The following MAML2 variants were observed in gnomAD, a reference collection of about 807,000 sequenced individuals.
MAML2 encodes the protein mastermind like transcriptional coactivator 2.
MAML2 carries 22 observed loss-of-function variants against 96.1 expected under a neutral mutation model. The observed-to-expected ratio is 0.23, with a 90% confidence interval of 0.16 to 0.33. MAML2 has a LOEUF of 0.33. Among genes scored for constraint, MAML2 ranks in the 10% least tolerant of loss-of-function variants. MAML2 has a pLI of 1.00. For synonymous variants in MAML2, 561 were observed against 521.3 expected, an observed-to-expected ratio of 1.08 and a Z score of -1.04; for missense variants, 1,367 against 1,392.4, an observed-to-expected ratio of 0.98 and a Z score of 0.29.
chr11:95,984,330 C>A (rs1361036979), intron 4 of MAML2, among the ~76,000 whole-genome samples: 2 of 152,176 alleles, frequency 1.3e-5, no homozygotes, highest in Non-Finnish European at 2.9e-5. Flanking sequence ...CCAACATTAA[C>A]CAACACATGG....
At chr11:96,095,389 T>G (rs10831479) in intron 1 of MAML2, among the ~76,000 whole-genome samples, 118,990 of 152,182 alleles carry the variant, frequency 0.78, 46,997 homozygotes, top group Middle Eastern at 0.88. Context: ...ATAGTTATGG[T>G]GAATGTGTCA....
chr11:96,277,615 G>C (rs1225425324), intron 1 of MAML2, among the ~76,000 whole-genome samples: 1 of 151,860 alleles, frequency 6.6e-6, no homozygotes, highest in East Asian at 1.9e-4. Flanking sequence ...AGCAGGGCGT[G>C]GTAGCAAGCG....
At chr11:96,117,912 T>TTA (rs1253559580) in intron 1 of MAML2, among the ~76,000 whole-genome samples, 1 of 152,162 alleles carries the variant, frequency 6.6e-6, no homozygotes, top group Non-Finnish European at 1.5e-5. Flanking sequence ...GTTCTCTTCT[T>TTA]TATATATATA....
chr11:95,985,955 C>A (rs1034939153), intron 3 of MAML2, among the ~76,000 whole-genome samples: 1 of 152,106 alleles, frequency 6.6e-6, no homozygotes, highest in Non-Finnish European at 1.5e-5. Flanking sequence ...TTTCAAGATG[C>A]TAATTTCTAA....
intron 1 of MAML2, among the ~76,000 whole-genome samples, chr11:96,241,366 T>G (rs575090091): frequency 6.6e-6 from 1 of 152,174 alleles, no homozygotes; most frequent in Non-Finnish European, 1.5e-5. Flanking sequence ...TTTGAAACAA[T>G]GTGGGAGGCT....
chr11:96,230,531 A>G (rs1045990518), intron 1 of MAML2, among the ~76,000 whole-genome samples: 2 of 152,228 alleles, frequency 1.3e-5, no homozygotes, highest in African/African-American at 2.4e-5. Flanking sequence ...GCAGAGTTGA[A>G]GACTAGACAT....
Position 96,027,575 on chromosome 11 carries a change from A to C in MAML2, c.2140-35852T>G, listed in dbSNP as rs185215709. Among the ~76,000 whole-genome samples, 7 of 152,314 alleles carry C rather than the reference A, an allele frequency of 4.6e-5. No individual in the cohort carries two copies. The East Asian group carries it at 1.3e-3, about 29-fold the overall frequency. On this transcript the variant is annotated intron_variant, in intron 2 of 4. Transcript: ENST00000524717. The stretch of plus-strand genomic sequence containing the variant: ...AGGACTAGGTGCAGTGGGACCACAG[A>C]GGAAAGACATCTAACTCAGATCTGG...
At chr11:96,184,328 T>G (rs1861538253) in intron 1 of MAML2, among the ~76,000 whole-genome samples, 1 of 151,950 alleles carries the variant, frequency 6.6e-6, no homozygotes, top group South Asian at 2.1e-4. Context: ...TAATCCCAGC[T>G]ACTCAGGAGG....
At chr11:96,035,294 A>G (rs1325556700) in intron 2 of MAML2, among the ~76,000 whole-genome samples, 4 of 152,190 alleles carry the variant, frequency 2.6e-5, no homozygotes, top group Admixed American at 1.3e-4. Context: ...AGCCAACCAT[A>G]AGTAATTCTG....
At chr11:96,310,023 G>A (rs1040744164) in intron 1 of MAML2, among the ~76,000 whole-genome samples, 13 of 152,164 alleles carry the variant, frequency 8.5e-5, no homozygotes, top group African/African-American at 2.9e-4. Context: ...TTAAGACTCT[G>A]AAGTTTCCAA....
At chr11:96,308,312 A>T (rs1038495252) in intron 1 of MAML2, among the ~76,000 whole-genome samples, 2 of 152,340 alleles carry the variant, frequency 1.3e-5, no homozygotes, top group Non-Finnish European at 2.9e-5. Context: ...TTACTAAACA[A>T]TAGTAGAATT....
rs548030774 is a variant in MAML2 at position 96,195,084 on chromosome 11, C to G, written c.514-101567G>C. On this transcript the variant is annotated intron_variant, in intron 1 of 4. Coordinates refer to ENST00000524717, the MANE Select transcript of MAML2 (RefSeq NM_032427.4). ...GTATAGACATCTAAGTTATATAAAC[C>G]AAGTCTTTCTACTTCACATTTTACC... Among the ~76,000 whole-genome samples, 4 of 152,198 alleles carry G rather than the reference C, an allele frequency of 2.6e-5. No individual in the cohort carries two copies. The South Asian group carries it at 8.3e-4, about 32-fold the overall frequency.
chr11:96,044,893 C>G (rs1858871433), intron 2 of MAML2, among the ~76,000 whole-genome samples: 1 of 152,178 alleles, frequency 6.6e-6, no homozygotes, highest in African/African-American at 2.4e-5. Flanking sequence ...ATAAAAGTAT[C>G]AGGATGACTT....
intron 1 of MAML2, among the ~76,000 whole-genome samples, chr11:96,202,639 T>G (rs547135562): frequency 1.2e-4 from 19 of 152,204 alleles, no homozygotes; most frequent in Admixed American, 6.5e-5. Flanking sequence ...ATTTTTTTTT[T>G]TTTTTGAAAC....
At chr11:96,167,004 C>T (rs570240511) in intron 1 of MAML2, among the ~76,000 whole-genome samples, 119 of 152,290 alleles carry the variant, frequency 7.8e-4, no homozygotes, top group African/African-American at 2.8e-3. Context: ...ACCATGTCCC[C>T]ATTTGAAAAC....
intron 1 of MAML2, among the ~76,000 whole-genome samples, chr11:96,330,849 A>T (rs1863844202): frequency 6.6e-6 from 1 of 152,244 alleles, no homozygotes; most frequent in African/African-American, 2.4e-5. Context: ...ACGTTATTGG[A>T]TAATGCAAGT....
chr11:96,323,927 A>C (rs1422881748), intron 1 of MAML2, among the ~76,000 whole-genome samples: 1 of 152,238 alleles, frequency 6.6e-6, no homozygotes, highest in East Asian at 1.9e-4. Flanking sequence ...GTGTTCAAGC[A>C]CTTTCTACCT....
intron 1 of MAML2, among the ~76,000 whole-genome samples, chr11:96,215,548 A>C (rs1862036628): frequency 6.6e-6 from 1 of 152,190 alleles, no homozygotes; most frequent in Non-Finnish European, 1.5e-5. Flanking sequence ...GGGGCTGAGG[A>C]AATCCGAGGC....
intron 1 of MAML2, among the ~76,000 whole-genome samples, chr11:96,125,451 C>T (rs148169577): frequency 3.0e-4 from 45 of 152,198 alleles, no homozygotes; most frequent in African/African-American, 9.6e-4. Flanking sequence ...GGCTCTGACC[C>T]CCACCAGACA....
Sources: allele counts gnomAD v4.1 joint callset (sites outside exome capture counted in the v4.1 genomes callset), GRCh38; gene constraint gnomAD v4.1.1; transcripts MANE v1.5; gene names NCBI Gene and HGNC (gene_info 2026-07-23, HGNC 2026-07-21).